Variants in LSS observed in about 807,000 individuals in gnomAD.
The protein encoded by LSS is lanosterol synthase, also known as 2,3-epoxysqualene-lanosterol cyclase.
Under a neutral mutation model 110.3 loss-of-function variants are expected in LSS, and 90 were observed. That is an observed-to-expected ratio of 0.82 (90% CI 0.69 to 0.97). The LOEUF (loss-of-function observed/expected upper bound fraction) is 0.97. Ranked by LOEUF, LSS falls within the 50% of genes least tolerant of loss-of-function variation. The probability of loss-of-function intolerance (pLI) is 0.00; values close to 1 mark genes in which losing one functional copy is unlikely to be tolerated. For synonymous variants in LSS, 433 were observed against 400.0 expected (o/e 1.08, Z -0.98); for missense variants, 927 against 990.0 (o/e 0.94, Z 0.85).
Position 46,216,358 on chromosome 21 carries a change from G to C in LSS, c.783+31C>G, listed in dbSNP as rs2080206486. On this transcript the variant is annotated intron_variant, in intron 7 of 21. Coordinates refer to ENST00000397728, the MANE Select transcript of LSS (RefSeq NM_002340.6). The surrounding 1 kb of genome is among the most constrained non-coding windows in gnomAD (Gnocchi z 4.2). The stretch of plus-strand genomic sequence containing the variant: ...GGCCCTGTGGGTCCCAGCCCCAGAG[G>C]CCTTCACTTTGTTCCCTGATGAGGT... The C allele has an allele frequency of 6.2e-7, 1 of 1,612,930 alleles. No individual in the cohort carries two copies. The highest frequency in any genetic ancestry group is 1.3e-5 in the African/African-American group (1 of 74,914).
intron 20 of LSS, among the ~76,000 whole-genome samples, chr21:46,193,979 T>A (rs1320846849): frequency 6.6e-6 from 1 of 152,164 alleles, no homozygotes; most frequent in Non-Finnish European, 1.5e-5. Flanking sequence ...TGCGTACGTG[T>A]GTGCATAGGC....
rs756840898 is a variant in LSS, at chr21:46,213,810, A to G, written c.1037T>C (p.Val346Ala). ...GPISKTINML[V>A]RWYVDGPAST... ...GGCGGGCCCGTCCACATACCAGCGC[A>G]CAAGCATGTTGATGGTTTTCGAGAT... is the stretch of plus-strand genomic sequence containing the variant. The change falls in exon 10 of 22, where the codon GTG becomes GCG. Residue 346 changes from valine to alanine, a missense_variant. Val to Ala is a moderately conservative substitution (Grantham distance 64). Transcript: ENST00000397728. 16 of 1,613,980 alleles carry G rather than the reference A, an allele frequency of 9.9e-6. No individual in the cohort carries two copies. The highest frequency in any genetic ancestry group is 1.4e-5 in the Non-Finnish European group (16 of 1,179,970).
Position 46,228,655 on chromosome 21 carries a change from C to T in LSS, c.15-56G>A, listed in dbSNP as rs529841039. 37 of 1,597,346 alleles carry T rather than the reference C, an allele frequency of 2.3e-5. No individual in the cohort carries two copies. The Admixed American group carries it at 4.2e-4, about 18-fold the overall frequency. ...CCCCGCCCCAACGCCGGCCGCCGGC[C>T]CACTGCCCCAGTCGCGCTCTCCTCA... is the stretch of plus-strand genomic sequence containing the variant. On this transcript the variant is annotated intron_variant, in intron 1 of 21. Coordinates refer to ENST00000397728, the MANE Select transcript of LSS (RefSeq NM_002340.6).
At chr21:46,210,602 C>T in intron 12 of LSS, 86 bp downstream of exon 12, 3 of 1,294,296 alleles carry the variant, frequency 2.3e-6, no homozygotes, top group East Asian at 2.4e-5. Context: ...AAGTGTGTGG[C>T]CAGCAGTGCT....
At chr21:46,223,217 T>A (rs962410471) in intron 3 of LSS, among the ~76,000 whole-genome samples, 2 of 152,184 alleles carry the variant, frequency 1.3e-5, no homozygotes, top group African/African-American at 2.4e-5. Flanking sequence ...TGTTTCAAAA[T>A]TTTTTTACAA....
chr21:46,217,835 G>A (rs1167817083), intron 6 of LSS, among the ~76,000 whole-genome samples: 5 of 152,116 alleles, frequency 3.3e-5, no homozygotes, highest in Admixed American at 2.6e-4. Flanking sequence ...CGGGCGAGGC[G>A]CAGAGTCCAG....
At chr21:46,193,108 T>C (rs1242306147) in intron 20 of LSS, 5 of 446,132 alleles carry the variant, frequency 1.1e-5, no homozygotes, top group African/African-American at 1.0e-4. Context: ...TCTGCATGTG[T>C]GTACACAGGT....
At chr21:46,206,128 G>C (rs577453246) in intron 16 of LSS, among the ~76,000 whole-genome samples, 187 bp from the exon 17 acceptor site, 21 of 152,342 alleles carry the variant, frequency 1.4e-4, no homozygotes, top group African/African-American at 5.1e-4. Context: ...TGAGAGCGAA[G>C]ATGAGGGGAA....
In LSS at chr21:46,208,276, T is replaced by A; in HGVS notation, c.1292A>T (p.Gln431Leu). ...SQVPDNPPDYQKYYRQMRKGG... is the reference protein window; with the variant it reads ...SQVPDNPPDYLKYYRQMRKGG... ...CTTGCGCATCTGGCGGTAGTACTTC[T>A]GGTAGTCGGGAGGGTTATCTGGGAC... Residue 431 changes from glutamine (Q) to leucine (L), a missense_variant, in exon 14 of 22, where the codon CAG (glutamine) becomes CTG (leucine). Physicochemically the swap from Gln to Leu is moderately radical, Grantham distance 113. Transcript: ENST00000397728. 6.4e-7 allele frequency: 1 copy of A among 1,552,726 alleles called. No homozygotes were observed. The highest frequency in any genetic ancestry group is 8.7e-7 in the Non-Finnish European group (1 of 1,147,612).
At chr21:46,213,958 A>G (rs550585629) in intron 9 of LSS, 123 bp from the exon 10 acceptor site, 2 of 697,796 alleles carry the variant, frequency 2.9e-6, no homozygotes, top group Admixed American at 2.1e-5. Flanking sequence ...ACTCAGGGCC[A>G]GGACAGGGGC....
At chr21:46,206,838 G>A (rs1390549189) in intron 15 of LSS, 70 bp from the exon 16 acceptor site, 2 of 1,138,612 alleles carry the variant, frequency 1.8e-6, no homozygotes, top group Non-Finnish European at 2.6e-6. Flanking sequence ...GGGCACAGCG[G>A]AACTCTCTAG....
At chr21:46,210,270 C>G (rs2080112476) in intron 12 of LSS, among the ~76,000 whole-genome samples, 1 of 151,940 alleles carries the variant, frequency 6.6e-6, no homozygotes, top group African/African-American at 2.4e-5. Context: ...GTTTCACCAT[C>G]TTGGCCAGGC....
rs1398313563 is a variant in LSS, at chr21:46,222,753, A to G, written c.320-15T>C. The G allele has an allele frequency of 3.7e-6, 6 of 1,602,588 alleles. No homozygotes were observed. Among genetic ancestry groups the G allele is most frequent in the Non-Finnish European group, 5.1e-6 (6 of 1,170,486 alleles). On this transcript the variant is annotated splice_polypyrimidine_tract_variant and intron_variant, in intron 3 of 21. Coordinates refer to ENST00000397728, the MANE Select transcript of LSS (RefSeq NM_002340.6). ...GATCAGGAGGCCTGTGTGGCAGGAG[A>G]GATGTTCCTCACTGGGGACAGGTGG...
chr21:46,191,892 C>T lies in LSS; in HGVS notation c.2056G>A (p.Asp686Asn), dbSNP rs773056571. The part of the protein sequence containing the change: ...CLLEKQLPNG[D>N]WPQENIAGVF... Reference sequence around the variant, plus strand: ...CCCTGGCGGCATACCTGCGGCCAGTCGCCATTGGGGAGCTGTTTCTCAAGT... The same window carrying T: ...CCCTGGCGGCATACCTGCGGCCAGTTGCCATTGGGGAGCTGTTTCTCAAGT... Residue 686 changes from aspartate to asparagine, a missense_variant, in exon 21 of 22, where the codon GAC (aspartate) becomes AAC (asparagine). Physicochemically the swap from Asp to Asn is conservative, Grantham distance 23 (BLOSUM62 1). Transcript: ENST00000397728. 7.4e-6 allele frequency: 12 copies of T among 1,613,088 alleles called. No homozygotes were observed. In the African/African-American group the frequency reaches 9.3e-5, roughly 13 times the overall value.
chr21:46,210,197 C>G (rs970693712), intron 12 of LSS, among the ~76,000 whole-genome samples: 18 of 151,722 alleles, frequency 1.2e-4, no homozygotes, highest in African/African-American at 4.4e-4. Context: ...TCCCAAGTAG[C>G]TGGGATTACA....
At position 46,188,887 on chromosome 21, in the gene LSS, A is replaced by G; in HGVS notation, c.*2217T>C. On this transcript the variant is annotated 3_prime_UTR_variant, in exon 22 of 22. Coordinates refer to ENST00000397728, the MANE Select transcript of LSS (RefSeq NM_002340.6). ...TGTGGACATTGTATCACGTTTATTT[A>G]TCTTCCTGGATATGCTTATGGCCTT... The G allele has an allele frequency of 2.4e-6, 1 of 424,422 alleles. No individual in the cohort carries two copies. The highest frequency in any genetic ancestry group is 4.9e-6 in the Non-Finnish European group (1 of 203,150). 26.3% of individuals were successfully genotyped at this position (424,422 alleles called of 1,614,324 possible). A position where few individuals can be genotyped will look rare whatever the true frequency, so the allele number is the denominator to read the frequency against.
intron 17 of LSS, among the ~76,000 whole-genome samples, chr21:46,204,212 T>C (rs1269823699): frequency 6.6e-6 from 1 of 152,022 alleles, no homozygotes; most frequent in African/African-American, 2.4e-5. Context: ...GGAGAATCGC[T>C]TGAACCCCGG....
intron 17 of LSS, among the ~76,000 whole-genome samples, chr21:46,201,996 G>A (rs111540006): frequency 0.035 from 5,296 of 150,684 alleles, 322 homozygotes; most frequent in African/African-American, 0.12. Context: ...AGGTTTCACC[G>A]TGTTAGCCAG....
Position 46,194,579 on chromosome 21 carries a change from C to A in LSS, c.1900G>T (p.Glu634Ter). 6.2e-7 allele frequency: 1 copy of A among 1,613,762 alleles called. No homozygotes were observed. Among genetic ancestry groups the A allele is most frequent in the Non-Finnish European group, 8.5e-7 (1 of 1,179,960 alleles). ...AAATAACGCCGCTCCTCGCAGGACT[C>A]AAAGTCCTCCCCCCAGCCTCCGTCT... ...MADGGWGEDF[E>*]SCEERRYLQS... is the part of the protein sequence containing the mutation. Residue 634 changes from glutamate (E) to a stop codon, truncating the protein, a stop_gained, in exon 20 of 22, where the codon GAG becomes TAG. Coordinates refer to ENST00000397728, the MANE Select transcript of LSS (RefSeq NM_002340.6). LOFTEE classifies it high-confidence loss of function.
Sources: allele counts gnomAD v4.1 joint callset (sites outside exome capture counted in the v4.1 genomes callset), GRCh38; gene constraint gnomAD v4.1.1; non-coding constraint Gnocchi (gnomAD v3.1); transcripts MANE v1.5; gene names NCBI Gene and HGNC (gene_info 2026-07-23, HGNC 2026-07-21).